The following ITSN1 variants were observed in gnomAD, a reference collection of about 807,000 sequenced individuals.
ITSN1 encodes intersectin-1.
In ITSN1, 58 loss-of-function variants were observed where a neutral mutation model predicts 239.8. That is an observed-to-expected ratio of 0.24 (90% confidence interval 0.20 to 0.30). The LOEUF (loss-of-function observed/expected upper bound fraction) is 0.30, where lower values mean the gene tolerates loss of function less well. Ranked by LOEUF, ITSN1 falls within the 10% of genes least tolerant of loss-of-function variation. The pLI is 1.00. For synonymous variants in ITSN1, 780 were observed against 770.8 expected (o/e 1.01, Z -0.20); for missense variants, 1,558 against 2,103.3 (o/e 0.74, Z 5.07).
chr21:33,814,645 A>G (rs2073143791), intron 22 of ITSN1: 2 of 152,754 alleles, frequency 1.3e-5, no homozygotes, highest in Admixed American at 6.5e-5. Context: ...CCAAACAGCA[A>G]GTGCCCATCT....
chr21:33,813,268 C>T (rs1195859460), intron 21 of ITSN1, among the ~76,000 whole-genome samples: 2 of 152,114 alleles, frequency 1.3e-5, no homozygotes, highest in Non-Finnish European at 2.9e-5. Context: ...ACTGCAACTT[C>T]CACCTCCCAG....
intron 36 of ITSN1, 141 bp from the exon 37 acceptor site, chr21:33,884,900 A>G (rs747130112): frequency 4.8e-5 from 31 of 650,874 alleles, no homozygotes; most frequent in Non-Finnish European, 7.6e-5. Context: ...CACGTGACAT[A>G]AAATCAGATT....
intron 34 of ITSN1, among the ~76,000 whole-genome samples, chr21:33,880,988 G>A (rs972564888): frequency 1.1e-4 from 17 of 152,152 alleles, no homozygotes; most frequent in African/African-American, 3.1e-4. Flanking sequence ...AGCGCCCACC[G>A]TGTCTCTAAG....
intron 24 of ITSN1, among the ~76,000 whole-genome samples, chr21:33,821,091 G>A (rs2244151): frequency 2.6e-5 from 4 of 152,152 alleles, no homozygotes; most frequent in East Asian, 1.9e-4. Context: ...CTTTTATGTC[G>A]TTTTTGCTTC....
At chr21:33,734,909 A>G in intron 4 of ITSN1, 135 bp from the exon 5 acceptor site, 4 of 616,972 alleles carry the variant, frequency 6.5e-6, no homozygotes, top group Non-Finnish European at 7.8e-6. Flanking sequence ...TAGTTTGGTA[A>G]ACAGTTATGT....
At chr21:33,755,431 T>A in intron 8 of ITSN1, 34 bp downstream of exon 8, 3 of 1,126,848 alleles carry the variant, frequency 2.7e-6, no homozygotes, top group Non-Finnish European at 2.6e-6. Context: ...AAATATGATC[T>A]TTGTTTTCAA....
chr21:33,857,384 T>G (rs1405109423), intron 30 of ITSN1, among the ~76,000 whole-genome samples: 2 of 152,222 alleles, frequency 1.3e-5, no homozygotes, highest in Non-Finnish European at 2.9e-5. Context: ...CCTCATCTTG[T>G]CAGTCCTCCC....
chr21:33,805,150 C>T (rs972604393), intron 20 of ITSN1, among the ~76,000 whole-genome samples: 1 of 152,184 alleles, frequency 6.6e-6, no homozygotes, highest in Non-Finnish European at 1.5e-5. Flanking sequence ...TTTCAGGAAC[C>T]GCTGATCTAA....
chr21:33,794,468 G>A lies in ITSN1; in HGVS notation c.1952G>A (p.Arg651Lys), dbSNP rs749877076. The A allele has an allele frequency of 6.2e-7, 1 of 1,610,032 alleles. No homozygotes were observed. The highest frequency in any genetic ancestry group is 8.5e-7 in the Non-Finnish European group (1 of 1,178,850). Reference protein sequence around the residue: ...ELEKQKEEAQRRAQERDKQWL... With the variant: ...ELEKQKEEAQKRAQERDKQWL... The stretch of plus-strand genomic sequence containing the variant: ...GAAAAACAAAAAGAAGAAGCCCAAA[G>A]GTGAGTCTTCTTTGGATTGTGGACT... Residue 651 changes from arginine to lysine, a missense_variant and splice_region_variant, in exon 17 of 40, where the codon AGA (arginine) becomes AAA (lysine). Physicochemically the swap from Arg to Lys is conservative, Grantham distance 26. Around this residue, in one of 2 missense-constraint regions of ITSN1, gnomAD observed 982 missense variants for 1,209.9 expected, o/e 0.81. Coordinates refer to ENST00000381318, the MANE Select transcript of ITSN1 (RefSeq NM_003024.3).
chr21:33,765,226 T>C (rs2068633675), intron 9 of ITSN1, among the ~76,000 whole-genome samples: 1 of 152,204 alleles, frequency 6.6e-6, no homozygotes, highest in Non-Finnish European at 1.5e-5. Context: ...CATTTAACAA[T>C]ATAGAGCTGG....
chr21:33,742,448 A>G (rs559128682), intron 5 of ITSN1, among the ~76,000 whole-genome samples: 1 of 152,308 alleles, frequency 6.6e-6, no homozygotes, highest in Non-Finnish European at 1.5e-5. Flanking sequence ...GTGCAGGAGG[A>G]AGAGGGAAGA....
At chr21:33,643,340 G>C (rs1208148575) in intron 1 of ITSN1, 1 of 152,252 alleles carries the variant, frequency 6.6e-6, no homozygotes, top group East Asian at 1.9e-4. Context: ...GCGCGTCCCC[G>C]GGTCCGCCGC....
chr21:33,800,200 G>A (rs1162566195), intron 19 of ITSN1, among the ~76,000 whole-genome samples: 1 of 151,840 alleles, frequency 6.6e-6, no homozygotes, highest in Non-Finnish European at 1.5e-5. Flanking sequence ...GATAATTTCA[G>A]AGTTTAGATT....
At chr21:33,667,458 C>A (rs2089999437) in intron 1 of ITSN1, among the ~76,000 whole-genome samples, 1 of 152,062 alleles carries the variant, frequency 6.6e-6, no homozygotes, top group African/African-American at 2.4e-5. Flanking sequence ...AAATTGTAAG[C>A]CAAATGACTC....
intron 1 of ITSN1, among the ~76,000 whole-genome samples, chr21:33,709,941 G>C (rs900205263): frequency 1.3e-5 from 2 of 152,026 alleles, no homozygotes; most frequent in South Asian, 4.2e-4. Context: ...AGATATCCTT[G>C]TCTTCTTCCT....
At chr21:33,674,116 G>A (rs1323911224) in intron 1 of ITSN1, among the ~76,000 whole-genome samples, 1 of 152,182 alleles carries the variant, frequency 6.6e-6, no homozygotes, top group Non-Finnish European at 1.5e-5. Context: ...GCAGCCAGGT[G>A]TATTTACCTC....
At chr21:33,707,078 G>A (rs1260061249) in intron 1 of ITSN1, among the ~76,000 whole-genome samples, 1 of 152,168 alleles carries the variant, frequency 6.6e-6, no homozygotes, top group African/African-American at 2.4e-5. Flanking sequence ...GTTAAAATCT[G>A]TGTTGAGGCA....
intron 24 of ITSN1, among the ~76,000 whole-genome samples, chr21:33,819,533 A>G (rs1323062007): frequency 1.3e-5 from 2 of 152,214 alleles, no homozygotes; most frequent in East Asian, 3.8e-4. Context: ...GAATTTTCTA[A>G]TTATATTTTA....
At chr21:33,685,155 T>A (rs996124230) in intron 1 of ITSN1, among the ~76,000 whole-genome samples, 1 of 152,230 alleles carries the variant, frequency 6.6e-6, no homozygotes, top group Non-Finnish European at 1.5e-5. Context: ...AACCATTTAC[T>A]CTTGGCACAG....
Sources: allele counts gnomAD v4.1 joint callset (sites outside exome capture counted in the v4.1 genomes callset), GRCh38; gene constraint gnomAD v4.1.1; regional missense constraint gnomAD v4.1.1; transcripts MANE v1.5; gene names NCBI Gene and HGNC (gene_info 2026-07-23, HGNC 2026-07-21).